The following PDE1C variants were observed in gnomAD, a reference collection of about 807,000 sequenced individuals.
PDE1C encodes phosphodiesterase 1C.
PDE1C carries 62 observed loss-of-function variants against 93.1 expected under a neutral mutation model. The ratio of observed to expected loss-of-function variants is 0.67; its 90% confidence interval spans 0.54 to 0.82. PDE1C has a LOEUF of 0.82. PDE1C is among the 40% of genes least tolerant of loss of function. The pLI is 0.00. For synonymous variants in PDE1C, 325 were observed against 310.1 expected, an observed-to-expected ratio of 1.05 and a Z score of -0.50; for missense variants, 742 against 884.6, an observed-to-expected ratio of 0.84 and a Z score of 2.04.
At chr7:32,267,586 A>ACACT (rs1442508353) in intron 1 of PDE1C, among the ~76,000 whole-genome samples, 17 of 117,536 alleles carry the variant, frequency 1.4e-4, no homozygotes, top group East Asian at 7.0e-4. Context: ...ACACACACAC[A>ACACT]CTCTCTCTCT....
intron 1 of PDE1C, among the ~76,000 whole-genome samples, chr7:32,231,439 T>A (rs955878696): frequency 5.3e-5 from 8 of 151,890 alleles, no homozygotes; most frequent in Admixed American, 1.3e-4. Context: ...CTAGAAAAAA[T>A]TTAACATCAA....
chr7:31,850,842 G>A, intron 7 of PDE1C, 101 bp from the exon 8 acceptor site: 2 of 817,264 alleles, frequency 2.4e-6, no homozygotes, highest in Middle Eastern at 3.2e-4. Context: ...CCCTGCAGCT[G>A]GTAAGCTATT....
chr7:32,316,508 A>G (rs1410779673), intron 1 of PDE1C, among the ~76,000 whole-genome samples: 1 of 152,252 alleles, frequency 6.6e-6, no homozygotes, highest in African/African-American at 2.4e-5. Flanking sequence ...CATAATCACC[A>G]TACACGGCAA....
chr7:32,323,984 G>A (rs537073473), intron 1 of PDE1C, among the ~76,000 whole-genome samples: 32 of 152,308 alleles, frequency 2.1e-4, no homozygotes, highest in Admixed American at 1.9e-3. Flanking sequence ...AGCATAGAGC[G>A]GGAGTCAACA....
chr7:31,747,841 AGTCT>A (rs1361785337), downstream of PDE1C, among the ~76,000 whole-genome samples: 1 of 113,870 alleles, frequency 8.8e-6, no homozygotes, highest in African/African-American at 3.2e-5. Flanking sequence ...AGGTGGAGTC[AGTCT>A]GCAAAACATC....
intron 2 of PDE1C, among the ~76,000 whole-genome samples, chr7:31,918,702 A>T (rs1051973054): frequency 5.3e-5 from 8 of 152,200 alleles, no homozygotes; most frequent in Non-Finnish European, 8.8e-5. Flanking sequence ...TTTTGTTGAC[A>T]TCTATTTTCT....
intron 2 of PDE1C, among the ~76,000 whole-genome samples, chr7:32,178,404 T>C (rs545752467): frequency 2.0e-5 from 3 of 152,334 alleles, no homozygotes; most frequent in East Asian, 3.9e-4. Flanking sequence ...AGGTCTGCTC[T>C]GACAAAATGA....
Position 31,864,966 on chromosome 7 carries a change from G to T in PDE1C, c.726C>A (p.Tyr242Ter). The T allele has an allele frequency of 6.2e-7, 1 of 1,614,014 alleles. No individual in the cohort carries two copies. Among genetic ancestry groups the T allele is most frequent in the Non-Finnish European group, 8.5e-7 (1 of 1,179,906 alleles). ...HAADVTQTVH[Y>*]LLYKTGVANW... Reference sequence around the variant, plus strand: ...CCGCCACTCCTGTCTTATAGAGGAGGTAATGCACTGTCTGTGTAACATCGG... The same window carrying T: ...CCGCCACTCCTGTCTTATAGAGGAGTTAATGCACTGTCTGTGTAACATCGG... Residue 242 changes from tyrosine to a stop codon, truncating the protein, a stop_gained, in exon 7 of 18, where the codon TAC (tyrosine) becomes TAA (stop). Coordinates refer to ENST00000396191, the MANE Select transcript of PDE1C (RefSeq NM_001191057.4). LOFTEE classifies it high-confidence loss of function.
chr7:31,934,689 T>C (rs1468179240), intron 2 of PDE1C, among the ~76,000 whole-genome samples: 3 of 152,200 alleles, frequency 2.0e-5, no homozygotes, highest in Admixed American at 6.5e-5. Flanking sequence ...ATCTGATTTG[T>C]GGTACGTTTG....
intron 2 of PDE1C, among the ~76,000 whole-genome samples, chr7:31,936,353 A>G (rs947626229): frequency 3.3e-5 from 5 of 152,044 alleles, no homozygotes; most frequent in East Asian, 3.9e-4. Context: ...TTTTTTCCCA[A>G]TTCCTGAGAA....
At position 32,179,838 on chromosome 7, in the gene PDE1C, C is replaced by A. The variant is rs192899303; in HGVS notation, c.137-9882G>T. On this transcript the variant is annotated intron_variant, in intron 2 of 18. Transcript: ENST00000396193. Reference sequence around the variant, plus strand: ...TGTATAAGAATACTCAAAGATTATGCTGGCAGAAAGCTGAAAATTTAGAGT... The same window carrying A: ...TGTATAAGAATACTCAAAGATTATGATGGCAGAAAGCTGAAAATTTAGAGT... Among the ~76,000 whole-genome samples the A allele has an allele frequency of 6.8e-3, 1,028 of 152,204 alleles. 4 individuals carry two copies. Among genetic ancestry groups the A allele is most frequent in the Middle Eastern group, 0.017 (5 of 294 alleles).
At chr7:32,089,710 G>C (rs1797355250) in intron 3 of PDE1C, among the ~76,000 whole-genome samples, 1 of 152,108 alleles carries the variant, frequency 6.6e-6, no homozygotes. Context: ...TTTACAGGGA[G>C]GCAATGCTGT....
At chr7:31,811,085 T>C (rs1252982137) in intron 15 of PDE1C, among the ~76,000 whole-genome samples, 1 of 152,096 alleles carries the variant, frequency 6.6e-6, no homozygotes, top group Non-Finnish European at 1.5e-5. Context: ...TTCCCATGTG[T>C]TGTGGGAGGA....
chr7:32,328,235 A>T (rs1783442821), intron 1 of PDE1C, among the ~76,000 whole-genome samples: 1 of 152,082 alleles, frequency 6.6e-6, no homozygotes, highest in Non-Finnish European at 1.5e-5. Flanking sequence ...TGTTTTTGCC[A>T]TTCTAGTGGT....
At chr7:31,983,361 A>G (rs6944406) in intron 2 of PDE1C, among the ~76,000 whole-genome samples, 11,301 of 152,216 alleles carry the variant, frequency 0.074, 1,049 homozygotes, top group African/African-American at 0.22. Flanking sequence ...AGAGTTGGGG[A>G]AGCTCAGGAG....
the PDE1C span, among the ~76,000 whole-genome samples, chr7:31,640,515 C>G: frequency 6.6e-6 from 1 of 152,356 alleles, no homozygotes; most frequent in South Asian, 2.1e-4. Context: ...TGGGTTCCCC[C>G]TTCTCATGCC....
chr7:31,929,116 A>T (rs964408268), intron 2 of PDE1C, among the ~76,000 whole-genome samples: 4 of 152,124 alleles, frequency 2.6e-5, no homozygotes, highest in African/African-American at 9.7e-5. Context: ...GAAAGCAAAA[A>T]AAAAAAGCAG....
intron 1 of PDE1C, among the ~76,000 whole-genome samples, chr7:32,361,941 A>G (rs1305059735): frequency 6.6e-6 from 1 of 152,246 alleles, no homozygotes; most frequent in East Asian, 1.9e-4. Flanking sequence ...GTCATTCAAC[A>G]GCATCTGTTT....
the PDE1C span, among the ~76,000 whole-genome samples, chr7:31,623,077 G>T: frequency 1.3e-5 from 2 of 152,024 alleles, no homozygotes; most frequent in African/African-American, 4.8e-5. Flanking sequence ...CTCTGAATAG[G>T]CCAATAACAG....
Sources: gnomAD v4.1 joint callset for allele counts (sites outside exome capture counted in the v4.1 genomes callset) on GRCh38, gnomAD v4.1.1 for gene constraint, MANE v1.5 for transcripts, NCBI Gene and HGNC (gene_info 2026-07-23, HGNC 2026-07-21) for gene names.